Variants in MECOM observed in about 807,000 individuals in gnomAD.
MECOM encodes the protein MDS1 and EVI1 complex locus.
MECOM carries 13 observed loss-of-function variants against 116.3 expected under a neutral mutation model. The observed-to-expected ratio is 0.11, with a 90% CI of 0.07 to 0.18. MECOM has a LOEUF of 0.18. Ranked by LOEUF, MECOM falls within the 10% of genes least tolerant of loss-of-function variation. The pLI is 1.00. For synonymous variants in MECOM, 528 were observed against 535.2 expected (o/e 0.99, Z 0.19); for missense variants, 1,299 against 1,509.0 (o/e 0.86, Z 2.31).
chr3:169,103,671 A>G (rs188386208), intron 10 of MECOM, among the ~76,000 whole-genome samples: 5 of 152,298 alleles, frequency 3.3e-5, no homozygotes, highest in African/African-American at 1.2e-4. Flanking sequence ...TATGAGCTCA[A>G]GTTAAAAATA....
In MECOM at chr3:169,269,677, C is replaced by T. The variant is rs79818184; in HGVS notation, c.375+111510G>A. 7.5e-3 allele frequency among the ~76,000 whole-genome samples: 1,146 copies of T among 152,258 alleles called. 14 individuals carry two copies. Among genetic ancestry groups the T allele is most frequent in the African/African-American group, 0.026 (1,094 of 41,564 alleles). On this transcript the variant is annotated intron_variant, in intron 2 of 16. Coordinates refer to ENST00000651503, the MANE Select transcript of MECOM (RefSeq NM_004991.4). ...GTCATGCTCTCTGTAATAGGAATTC[C>T]TCACTAAACCTCACTTAATGCTAGA...
At chr3:169,566,424 T>A (rs1763251111) in intron 1 of MECOM, among the ~76,000 whole-genome samples, 1 of 152,212 alleles carries the variant, frequency 6.6e-6, no homozygotes, top group African/African-American at 2.4e-5. Flanking sequence ...AAGTGCCCTC[T>A]CTGCTCTGCA....
intron 2 of MECOM, among the ~76,000 whole-genome samples, chr3:169,342,628 T>C (rs370863242): frequency 2.0e-5 from 3 of 152,330 alleles, no homozygotes; most frequent in South Asian, 2.1e-4. Flanking sequence ...CTTGATGATA[T>C]GTAAAATGAA....
At chr3:169,242,794 AG>A (rs1157414145) in intron 2 of MECOM, among the ~76,000 whole-genome samples, 2 of 150,986 alleles carry the variant, frequency 1.3e-5, no homozygotes, top group Non-Finnish European at 2.9e-5. Flanking sequence ...CATAACTTTG[AG>A]GGCCAGGGAG....
intron 2 of MECOM, among the ~76,000 whole-genome samples, chr3:169,254,845 A>C (rs932324061): frequency 3.3e-5 from 5 of 152,124 alleles, no homozygotes; most frequent in African/African-American, 4.8e-5. Context: ...TGGTACAAAC[A>C]GAAGGGCAGG....
In MECOM at chr3:169,341,739, C is replaced by CAAAA. The variant is rs578130947; in HGVS notation, c.375+39444_375+39447dup. Among the ~76,000 whole-genome samples the CAAAA allele has an allele frequency of 6.6e-5, 8 of 121,938 alleles. 1 individual carries two copies. Among genetic ancestry groups the CAAAA allele is most frequent in the East Asian group, 4.7e-4 (2 of 4,254 alleles). The allele number at this position is 121,938 out of a possible 152,430, so 80.0% of individuals were successfully genotyped here. On this transcript the variant is annotated intron_variant, in intron 2 of 16. Transcript: ENST00000651503. ...TGAGTGACAGAGTGAGACTCCCTCT[C>CAAAA]AAAAAAAAAAAAAGAACAAATGAAT...
intron 1 of MECOM, among the ~76,000 whole-genome samples, chr3:169,661,681 C>T (rs1018708352): frequency 6.6e-6 from 1 of 152,194 alleles, no homozygotes; most frequent in Non-Finnish European, 1.5e-5. Flanking sequence ...CCAATGCCCG[C>T]GAAGCCGAGC....
chr3:169,088,913 A>G (rs886544983), intron 16 of MECOM, 87 bp downstream of exon 16: 1 of 1,157,210 alleles, frequency 8.6e-7, no homozygotes, highest in Non-Finnish European at 1.2e-6. Flanking sequence ...TATTTCAAAG[A>G]TAGAATATTT....
intron 2 of MECOM, among the ~76,000 whole-genome samples, chr3:169,248,020 T>C (rs1226402422): frequency 6.6e-6 from 1 of 152,212 alleles, no homozygotes; most frequent in Non-Finnish European, 1.5e-5. Context: ...ATAATACTTA[T>C]GTCATAGATA....
At chr3:169,531,784 A>T (rs2109150302) in intron 1 of MECOM, among the ~76,000 whole-genome samples, 1 of 152,388 alleles carries the variant, frequency 6.6e-6, no homozygotes, top group East Asian at 1.9e-4. Flanking sequence ...AAATAGCTTT[A>T]TTAATCTACT....
intron 2 of MECOM, among the ~76,000 whole-genome samples, chr3:169,353,481 G>C (rs1003615329): frequency 1.3e-5 from 2 of 151,724 alleles, no homozygotes; most frequent in Non-Finnish European, 2.9e-5. Flanking sequence ...AATAAAAAAA[G>C]ATCGGTTTTA....
At chr3:169,387,369 C>A (rs533470872) in intron 1 of MECOM, among the ~76,000 whole-genome samples, 2 of 152,300 alleles carry the variant, frequency 1.3e-5, no homozygotes, top group Middle Eastern at 3.4e-3. Context: ...GGCCTAAATG[C>A]CTTCTCTTTT....
intron 2 of MECOM, among the ~76,000 whole-genome samples, chr3:169,323,307 T>C (rs1182000691): frequency 6.6e-6 from 1 of 152,060 alleles, no homozygotes; most frequent in East Asian, 1.9e-4. Flanking sequence ...CAGTATTGGG[T>C]GTGTGTTTCC....
At chr3:169,197,926 T>G (rs552718232) in intron 2 of MECOM, among the ~76,000 whole-genome samples, 7 of 152,072 alleles carry the variant, frequency 4.6e-5, no homozygotes, top group Non-Finnish European at 7.4e-5. Context: ...AGTTTTCTAA[T>G]TGGAGGCAGA....
At chr3:169,616,248 T>C (rs1769986867) in intron 1 of MECOM, among the ~76,000 whole-genome samples, 1 of 152,168 alleles carries the variant, frequency 6.6e-6, no homozygotes, top group Non-Finnish European at 1.5e-5. Context: ...TCTCACCCTA[T>C]TTTGGTGAAT....
intron 2 of MECOM, among the ~76,000 whole-genome samples, chr3:169,243,642 T>C (rs1471497813): frequency 1.3e-5 from 2 of 152,168 alleles, no homozygotes; most frequent in African/African-American, 2.4e-5. Context: ...AATTCAAAGT[T>C]TGGTTTTTCC....
At position 169,281,397 on chromosome 3, in the gene MECOM, AAATT is replaced by A. The variant is rs199542762; in HGVS notation, c.375+99786_375+99789del. 8.9e-3 allele frequency among the ~76,000 whole-genome samples: 1,349 copies of A among 152,328 alleles called. 11 individuals carry two copies. The highest frequency in any genetic ancestry group is 0.027 in the Middle Eastern group (8 of 294). Reference sequence around the variant, plus strand: ...TTGGCTGTAAGAGTGAGACTGTGATAAATTGTGTGAAAATGCTTTGTGAACTCTA... The same window carrying A: ...TTGGCTGTAAGAGTGAGACTGTGATAGTGTGAAAATGCTTTGTGAACTCTA... On this transcript the variant is annotated intron_variant, in intron 2 of 16. Transcript: ENST00000651503.
chr3:169,090,605 C>T (rs1278077561), intron 14 of MECOM, among the ~76,000 whole-genome samples: 3 of 151,884 alleles, frequency 2.0e-5, no homozygotes, highest in African/African-American at 7.3e-5. Context: ...TAAGTACCCA[C>T]CATTTAAAAT....
chr3:169,224,208 C>A (rs1393168167), intron 2 of MECOM, among the ~76,000 whole-genome samples: 1 of 152,136 alleles, frequency 6.6e-6, no homozygotes, highest in Non-Finnish European at 1.5e-5. Flanking sequence ...CATTTCAAGC[C>A]TTCCTTCCCA....
Sources: allele counts gnomAD v4.1 joint callset (sites outside exome capture counted in the v4.1 genomes callset), GRCh38; gene constraint gnomAD v4.1.1; transcripts MANE v1.5; gene names NCBI Gene and HGNC (gene_info 2026-07-23, HGNC 2026-07-21).